Variants in DOCK2 observed in about 807,000 individuals in gnomAD.
The protein encoded by DOCK2 is dedicator of cytokinesis protein 2.
In DOCK2, 87 loss-of-function variants were observed where a neutral mutation model predicts 248.9. The ratio of observed to expected loss-of-function variants is 0.35; its 90% confidence interval spans 0.29 to 0.42. The LOEUF (loss-of-function observed/expected upper bound fraction) is 0.42, where lower values mean the gene tolerates loss of function less well. Ranked by LOEUF, DOCK2 falls within the 10% of genes least tolerant of loss-of-function variation. The pLI, the probability that DOCK2 is intolerant of heterozygous loss-of-function variation, is 1.00. For missense variants in DOCK2, 1,747 were observed against 2,300.2 expected (o/e 0.76, Z 4.92); for synonymous variants, 805 against 821.6 (o/e 0.98, Z 0.35).
chr5:169,657,591 C>T (rs976506591), intron 2 of DOCK2, among the ~76,000 whole-genome samples: 1 of 152,086 alleles, frequency 6.6e-6, no homozygotes, highest in Non-Finnish European at 1.5e-5. Context: ...CATAAAAAAG[C>T]AGTGTGATTT....
At chr5:169,850,724 G>T (rs1770578033) in intron 27 of DOCK2, among the ~76,000 whole-genome samples, 1 of 152,108 alleles carries the variant, frequency 6.6e-6, no homozygotes, top group Admixed American at 6.6e-5. Flanking sequence ...GGCATACTAG[G>T]CCTAAAATAT....
At chr5:169,854,086 G>A (rs1581290502) in intron 27 of DOCK2, among the ~76,000 whole-genome samples, 2 of 151,596 alleles carry the variant, frequency 1.3e-5, no homozygotes, top group African/African-American at 4.8e-5. Flanking sequence ...GCCTCCCAAA[G>A]TGCTGGGATT....
At chr5:170,037,819 G>A (rs1005095283) in intron 36 of DOCK2, among the ~76,000 whole-genome samples, 2 of 152,152 alleles carry the variant, frequency 1.3e-5, no homozygotes, top group Admixed American at 1.3e-4. Context: ...ATACCTTTAT[G>A]CACATCCTTA....
intron 48 of DOCK2, 134 bp downstream of exon 48, chr5:170,077,971 C>A (rs1757896518): frequency 1.3e-6 from 1 of 758,818 alleles, no homozygotes; most frequent in Non-Finnish European, 2.1e-6. Flanking sequence ...CTTTTCCCAT[C>A]TGCAGTCTCA....
At chr5:169,668,507 G>C (rs1758855280) in intron 2 of DOCK2, among the ~76,000 whole-genome samples, 1 of 152,106 alleles carries the variant, frequency 6.6e-6, no homozygotes, top group Non-Finnish European at 1.5e-5. Flanking sequence ...GGTAATGAGG[G>C]GTCTGCTAGT....
At chr5:169,863,854 C>T (rs2113418979) in intron 27 of DOCK2, among the ~76,000 whole-genome samples, 1 of 152,312 alleles carries the variant, frequency 6.6e-6, no homozygotes, top group Non-Finnish European at 1.5e-5. Context: ...CCTATAACCT[C>T]CCTCTACCTT....
At chr5:169,673,834 T>A (rs940245823) in intron 5 of DOCK2, among the ~76,000 whole-genome samples, 3 of 152,204 alleles carry the variant, frequency 2.0e-5, no homozygotes, top group South Asian at 2.1e-4. Flanking sequence ...TCCATGTTGT[T>A]TGACCTTGTA....
At chr5:170,042,393 A>C (rs1756550710) in intron 38 of DOCK2, among the ~76,000 whole-genome samples, 1 of 152,184 alleles carries the variant, frequency 6.6e-6, no homozygotes, top group Non-Finnish European at 1.5e-5. Context: ...TCCTCCATAT[A>C]GCAGATAGGA....
intron 27 of DOCK2, among the ~76,000 whole-genome samples, chr5:169,967,420 CA>C (rs1444171718): frequency 6.6e-6 from 1 of 152,114 alleles, no homozygotes; most frequent in African/African-American, 2.4e-5. Context: ...CAGAGGTGAT[CA>C]GAATATGATC....
At chr5:169,901,075 G>A (rs145917873) in intron 27 of DOCK2, among the ~76,000 whole-genome samples, 5 of 152,270 alleles carry the variant, frequency 3.3e-5, no homozygotes, top group Middle Eastern at 3.4e-3. Flanking sequence ...AATAGAGGCC[G>A]GTGGGAGAAT....
At chr5:169,903,745 G>A (rs903620161) in intron 27 of DOCK2, among the ~76,000 whole-genome samples, 18 of 151,846 alleles carry the variant, frequency 1.2e-4, no homozygotes, top group Middle Eastern at 3.4e-3. Context: ...GTGAGAGCTC[G>A]GTCACTGTAG....
Position 170,075,957 on chromosome 5 carries a change from T to C in DOCK2, c.4739T>C (p.Leu1580Ser). ...KDLIAWQIPF[L>S]GAGIKIHEKR... ...CCACTTTCTCTCCAGATCCCCTTCT[T>C]GGGAGCTGGGATTAAGATCCATGAG... The change falls in exon 47 of 52, where the codon TTG (leucine) becomes TCG (serine). Residue 1580 changes from leucine to serine, a missense_variant. By Grantham distance (145) the Leu-to-Ser change is moderately radical (BLOSUM62 -2). Transcript: ENST00000520908. 3 of 1,614,050 alleles carry C rather than the reference T, an allele frequency of 1.9e-6. No individual in the cohort carries two copies. The highest frequency in any genetic ancestry group is 2.5e-6 in the Non-Finnish European group (3 of 1,179,978).
intron 27 of DOCK2, among the ~76,000 whole-genome samples, chr5:169,969,841 G>A (rs1777436501): frequency 6.6e-6 from 1 of 152,274 alleles, no homozygotes; most frequent in South Asian, 2.1e-4. Context: ...TCTTCAGGGG[G>A]CAGCTCCTTG....
At chr5:170,036,706 G>T in intron 36 of DOCK2, 151 bp downstream of exon 36, 1 of 750,130 alleles carries the variant, frequency 1.3e-6, no homozygotes. Context: ...AATTTCTCCA[G>T]ATTCAATTCC....
At chr5:169,899,101 G>A (rs1233947151) in intron 27 of DOCK2, among the ~76,000 whole-genome samples, 1 of 152,188 alleles carries the variant, frequency 6.6e-6, no homozygotes, top group Non-Finnish European at 1.5e-5. Context: ...TTCTCAAATG[G>A]CTGATTTGTG....
In DOCK2 at chr5:169,665,575, C is replaced by A. The variant is rs185650889; in HGVS notation, c.128-3713C>A. On this transcript the variant is annotated intron_variant, in intron 2 of 51. Transcript: ENST00000520908. ...TTTTACCCCTCCTCTATTCTTTTTT[C>A]TTTTGTCCATATGTAGGTAACACTT... is the stretch of plus-strand genomic sequence containing the variant. Among the ~76,000 whole-genome samples, 29 of 151,934 alleles carry A rather than the reference C, an allele frequency of 1.9e-4. 1 individual carries two copies. In the East Asian group the frequency reaches 5.0e-3, roughly 26 times the overall value.
At chr5:170,014,208 G>A (rs17647191) in intron 32 of DOCK2, among the ~76,000 whole-genome samples, 12,303 of 152,140 alleles carry the variant, frequency 0.081, 598 homozygotes, top group African/African-American at 0.12. Flanking sequence ...GTGGCCATCC[G>A]TCTATTTGTT....
intron 14 of DOCK2, chr5:169,704,054 T>G (rs532837771): frequency 6.6e-6 from 1 of 152,368 alleles, no homozygotes; most frequent in African/African-American, 2.4e-5. Context: ...GCTGAGCAGA[T>G]GCACTTATCC....
chr5:169,798,546 G>T (rs1269470358), intron 25 of DOCK2, among the ~76,000 whole-genome samples: 1 of 152,172 alleles, frequency 6.6e-6, no homozygotes, highest in Non-Finnish European at 1.5e-5. Flanking sequence ...CTAACAGAAT[G>T]ACCTTTTAAG....
Sources: allele counts gnomAD v4.1 joint callset (sites outside exome capture counted in the v4.1 genomes callset), GRCh38; gene constraint gnomAD v4.1.1; transcripts MANE v1.5; gene names NCBI Gene and HGNC (gene_info 2026-07-23, HGNC 2026-07-21).